ZNF444: variants seen among roughly 807,000 people sequenced by gnomAD.
ZNF444 encodes zinc finger protein 444, also known as endothelial zinc finger protein 2.
A neutral mutation model predicts 14.4 loss-of-function variants in ZNF444; 8 were observed. That is an observed-to-expected ratio of 0.56 (90% CI 0.33 to 1.00). ZNF444 has a LOEUF of 1.00. Among genes scored for constraint, ZNF444 ranks in the 50% least tolerant of loss-of-function variants. The pLI is 0.03. For synonymous variants in ZNF444, 258 were observed against 235.9 expected (o/e 1.09, Z -0.86); for missense variants, 510 against 504.8 (o/e 1.01, Z -0.10).
chr19:56,145,776 C>T lies in ZNF444; in HGVS notation c.-196-471C>T, dbSNP rs994750098. Among the ~76,000 whole-genome samples the T allele has an allele frequency of 5.3e-5, 8 of 152,148 alleles. No homozygotes were observed. Among genetic ancestry groups the T allele is most frequent in the Non-Finnish European group, 1.0e-4 (7 of 68,042 alleles). ...GGACAGGCCGTCATAGCTGTCATAGCGGAGCACCGTGGACTGAACTGCTAT... is the reference window on the plus strand; with the variant it reads ...GGACAGGCCGTCATAGCTGTCATAGTGGAGCACCGTGGACTGAACTGCTAT... On this transcript the variant is annotated intron_variant, in intron 1 of 4. Transcript: ENST00000337080. The surrounding 1 kb of genome is among the most constrained non-coding windows in gnomAD (Gnocchi z 4.3).
intron 3 of ZNF444, chr19:56,158,224 A>G: frequency 6.1e-6 from 2 of 326,338 alleles, no homozygotes; most frequent in Non-Finnish European, 1.1e-5. Flanking sequence ...GACCTGGCCC[A>G]GGGTCTCCTG....
Position 56,147,015 on chromosome 19 carries a change from G to A in ZNF444, c.104G>A (p.Arg35Gln), listed in dbSNP as rs2031234792. Residue 35 changes from arginine to glutamine, a missense_variant, in exon 3 of 5, where the codon CGG (arginine) becomes CAG (glutamine). Transcript: ENST00000337080. This position sits in a 1 kb window ranked among gnomAD's most constrained non-coding sequence, Gnocchi z 5.9. ...RFHLGDAPGP[R>Q]EALGLLRALC... ...CACCTGGGCGACGCGCCGGGCCCGC[G>A]GGAGGCGCTGGGGCTGCTCCGCGCC... 2 of 1,467,382 alleles carry A rather than the reference G, an allele frequency of 1.4e-6. No individual in the cohort carries two copies. Among genetic ancestry groups the A allele is most frequent in the African/African-American group, 1.5e-5 (1 of 67,594 alleles). The allele number at this position is 1,467,382 out of a possible 1,614,324, so 90.9% of individuals were successfully genotyped here.
chr19:56,159,667 C>T lies in ZNF444; in HGVS notation c.450C>T (p.Ser150=). The T allele has an allele frequency of 1.3e-6, 2 of 1,509,020 alleles. No homozygotes were observed. Among genetic ancestry groups the T allele is most frequent in the Non-Finnish European group, 1.8e-6 (2 of 1,133,652 alleles). 93.5% of individuals were successfully genotyped at this position (1,509,020 alleles called of 1,614,324 possible). A position where few individuals can be genotyped will look rare whatever the true frequency, so the allele number is the denominator to read the frequency against. The change falls in exon 5 of 5, where the codon TCC becomes TCT. Residue 150 remains serine, a synonymous_variant. Transcript: ENST00000337080. ...CTGAGGGGCCGGCGCCTGGGGACTC[C>T]CAGGCTGTGCGCCCCTACAAGCAGG... ...PGAEGPAPGD[S]QAVRPYKQEP... is the part of the protein sequence containing the mutation.
At chr19:56,146,754 T>C in intron 2 of ZNF444, 136 bp from the exon 3 acceptor site, 2 of 718,074 alleles carry the variant, frequency 2.8e-6, no homozygotes, top group Non-Finnish European at 3.9e-6. Flanking sequence ...GCCACTGCAC[T>C]CCAACCTGGG....
chr19:56,133,726 T>G, intron 1 of ZNF444, among the ~76,000 whole-genome samples: 1 of 146,938 alleles, frequency 6.8e-6, no homozygotes, highest in East Asian at 2.0e-4. Flanking sequence ...GGCAGGAGAA[T>G]GGCGTGAACC....
rs61365745 is a variant in ZNF444 at position 56,132,935 on chromosome 19, C to CTTTTTTTTTTTTTTTTTT, written c.-197+160_-197+177dup. On this transcript the variant is annotated intron_variant, in intron 1 of 2. Transcript: ENST00000587467. ...TTTCTTTTTCTTTCTTTCTTTCTTT[C>CTTTTTTTTTTTTTTTTTT]TTTTTTTTTTTTTTTTTTTTGAGAC... 2.8e-3 allele frequency among the ~76,000 whole-genome samples: 262 copies of CTTTTTTTTTTTTTTTTTT among 94,284 alleles called. 4 individuals are homozygous for CTTTTTTTTTTTTTTTTTT. The highest frequency in any genetic ancestry group is 3.9e-3 in the Non-Finnish European group (204 of 52,590). 61.9% of individuals were successfully genotyped at this position (94,284 alleles called of 152,430 possible). A position where few individuals can be genotyped will look rare whatever the true frequency, so the allele number is the denominator to read the frequency against.
Position 56,141,376 on chromosome 19 carries a change from A to G in ZNF444, c.-197+19A>G, listed in dbSNP as rs1599991827. 5.8e-4 allele frequency: 1 copy of G among 1,720 alleles called. No homozygotes were observed. Among genetic ancestry groups the G allele is most frequent in the Non-Finnish European group, 8.4e-4 (1 of 1,194 alleles). The allele number at this position is 1,720 out of a possible 1,614,324, so 0.1% of individuals were successfully genotyped here. ...GAGTGAGGTGAGCGAGGGGGGAAGG[A>G]GGGAGGGATTGGGTGGGGGCGGTTG... On this transcript the variant is annotated intron_variant, in intron 1 of 4. Transcript: ENST00000337080.
intron 1 of ZNF444, among the ~76,000 whole-genome samples, chr19:56,143,136 C>T (rs567268200): frequency 2.0e-5 from 3 of 152,254 alleles, no homozygotes; most frequent in East Asian, 1.9e-4. Flanking sequence ...TAGCACAGGG[C>T]GCTCATTGGA....
chr19:56,158,287 A>C lies in ZNF444; in HGVS notation c.298-207A>C, dbSNP rs45559539. ...CTGTCATCTGAAGGTTGGTGGCTTC[A>C]AGATGGCTCCCTGGCAGGGGGTTGG... On this transcript the variant is annotated intron_variant, in intron 3 of 4. Transcript: ENST00000337080. 109 of 493,452 alleles carry C rather than the reference A, an allele frequency of 2.2e-4. 1 individual carries two copies. The Middle Eastern group carries it at 2.7e-3, about 12-fold the overall frequency. The allele number at this position is 493,452 out of a possible 1,614,324, so 30.6% of individuals were successfully genotyped here.
intron 3 of ZNF444, chr19:56,152,028 G>A (rs2031612986): frequency 4.9e-6 from 2 of 408,500 alleles, no homozygotes; most frequent in Non-Finnish European, 9.7e-6. Context: ...AGCTCACCTG[G>A]AAACTTTTAA....
chr19:56,147,347 G>A lies in ZNF444; in HGVS notation c.297+139G>A. 1.4e-5 allele frequency: 14 copies of A among 1,028,450 alleles called. No homozygotes were observed. The highest frequency in any genetic ancestry group is 1.8e-5 in the Non-Finnish European group (14 of 759,980). 63.7% of individuals were successfully genotyped at this position (1,028,450 alleles called of 1,614,324 possible). On this transcript the variant is annotated intron_variant, in intron 3 of 4. Transcript: ENST00000337080. This position sits in a 1 kb window ranked among gnomAD's most constrained non-coding sequence, Gnocchi z 5.9. ...TGGGGAGGCTGCGGTACAGGCTGCGGTACAGCGTGGAGGGACAGTCCACGT... is the reference window on the plus strand; with the variant it reads ...TGGGGAGGCTGCGGTACAGGCTGCGATACAGCGTGGAGGGACAGTCCACGT...
chr19:56,157,162 G>A (rs984525177), intron 3 of ZNF444: 1 of 152,266 alleles, frequency 6.6e-6, no homozygotes, highest in Non-Finnish European at 1.5e-5. Flanking sequence ...GGGCCCGAGT[G>A]AGACTGTGCT....
intron 1 of ZNF444, among the ~76,000 whole-genome samples, chr19:56,133,784 G>A (rs1463916386): frequency 7.1e-6 from 1 of 141,392 alleles, no homozygotes; most frequent in African/African-American, 2.7e-5. Context: ...CTGCACTCCA[G>A]CCTGGGCGAC....
chr19:56,148,395 C>T (rs1038317017), intron 3 of ZNF444, among the ~76,000 whole-genome samples: 17 of 151,954 alleles, frequency 1.1e-4, no homozygotes, highest in Middle Eastern at 3.2e-3. Context: ...CTCATAAGTG[C>T]GTACCGAGTG....
At position 56,160,341 on chromosome 19, in the gene ZNF444, T is replaced by C. The variant is rs967644127; in HGVS notation, c.*140T>C. On this transcript the variant is annotated 3_prime_UTR_variant, in exon 5 of 5. Coordinates refer to ENST00000337080, the MANE Select transcript of ZNF444 (RefSeq NM_018337.4). ...CACCTGCGCCTCCCTTGTCTGAACT[T>C]CCCAACGCCTTCCTATTCCTTTCCA... 1.4e-4 allele frequency: 87 copies of C among 631,648 alleles called. No individual in the cohort carries two copies. Among genetic ancestry groups the C allele is most frequent in the Non-Finnish European group, 2.0e-4 (80 of 401,632 alleles). The allele number at this position is 631,648 out of a possible 1,614,324, so 39.1% of individuals were successfully genotyped here.
chr19:56,140,948 C>G (rs1350470217), upstream of ZNF444: 1 of 152,254 alleles, frequency 6.6e-6, no homozygotes, highest in Non-Finnish European at 1.5e-5. Context: ...GGGAAGCCTC[C>G]TCGTGCATTC....
chr19:56,139,450 G>A (rs1436959237), upstream of ZNF444, among the ~76,000 whole-genome samples: 1 of 152,166 alleles, frequency 6.6e-6, no homozygotes, highest in African/African-American at 2.4e-5. Context: ...CATTTTGGGA[G>A]GCCGAGGAGG....
At chr19:56,133,254 G>A (rs1367472830) in intron 1 of ZNF444, among the ~76,000 whole-genome samples, 1 of 151,474 alleles carries the variant, frequency 6.6e-6, no homozygotes. Context: ...TGTATTTTTA[G>A]TAGAGACTTG....
chr19:56,157,754 T>TC (rs1451537578), intron 3 of ZNF444: 1 of 152,234 alleles, frequency 6.6e-6, no homozygotes, highest in Non-Finnish European at 1.5e-5. Flanking sequence ...CACGTACTCC[T>TC]CTGGCCAAAA....
Sources: gnomAD v4.1 joint callset for allele counts (sites outside exome capture counted in the v4.1 genomes callset) on GRCh38, gnomAD v4.1.1 for gene constraint, Gnocchi (gnomAD v3.1) non-coding constraint, MANE v1.5 for transcripts, NCBI Gene and HGNC (gene_info 2026-07-23, HGNC 2026-07-21) for gene names.